Variants in NCKAP5 observed in about 807,000 individuals in gnomAD.
The protein encoded by NCKAP5 is NCK associated protein 5.
A neutral mutation model predicts 167.0 loss-of-function variants in NCKAP5; 92 were observed. That is an observed-to-expected ratio of 0.55 (90% CI 0.47 to 0.66). NCKAP5 has a LOEUF of 0.66. Ranked by LOEUF, NCKAP5 falls within the 30% of genes least tolerant of loss-of-function variation. The probability of loss-of-function intolerance (pLI) is 0.00; values close to 1 mark genes in which losing one functional copy is unlikely to be tolerated. For synonymous variants in NCKAP5, 891 were observed against 877.4 expected (o/e 1.02, Z -0.27); for missense variants, 2,378 against 2,315.0 (o/e 1.03, Z -0.56).
At chr2:133,280,594 A>G (rs1038578170) in intron 4 of NCKAP5, among the ~76,000 whole-genome samples, 2 of 152,136 alleles carry the variant, frequency 1.3e-5, no homozygotes, top group African/African-American at 4.8e-5. Context: ...GGACATGGGC[A>G]CAGGAAATCA....
chr2:133,495,010 C>A (rs1681812167), intron 3 of NCKAP5, among the ~76,000 whole-genome samples: 1 of 152,148 alleles, frequency 6.6e-6, no homozygotes, highest in African/African-American at 2.4e-5. Flanking sequence ...GTCTCCACAA[C>A]CCCTTATCTT....
intron 8 of NCKAP5, among the ~76,000 whole-genome samples, chr2:132,944,529 C>T (rs1187756636): frequency 1.3e-5 from 2 of 152,110 alleles, no homozygotes; most frequent in Non-Finnish European, 2.9e-5. Context: ...GTAACTTGTC[C>T]AAGGCCACAT....
At chr2:133,034,758 C>A (rs762646111) in intron 6 of NCKAP5, among the ~76,000 whole-genome samples, 1 of 151,932 alleles carries the variant, frequency 6.6e-6, no homozygotes, top group Admixed American at 6.6e-5. Context: ...AACTAAAAAA[C>A]ATACAATGAA....
At chr2:133,369,106 T>C (rs1289644611) in intron 3 of NCKAP5, among the ~76,000 whole-genome samples, 1 of 151,818 alleles carries the variant, frequency 6.6e-6, no homozygotes, top group East Asian at 1.9e-4. Context: ...AACTGAAAAA[T>C]AAGAGGATGA....
chr2:132,860,392 A>G, intron 11 of NCKAP5, 100 bp downstream of exon 11: 2 of 1,309,660 alleles, frequency 1.5e-6, no homozygotes, highest in Non-Finnish European at 2.1e-6. Context: ...TTCTGATGCA[A>G]TATGCCTTGC....
At chr2:133,443,845 T>A (rs1295933618) in intron 3 of NCKAP5, among the ~76,000 whole-genome samples, 1 of 152,214 alleles carries the variant, frequency 6.6e-6, no homozygotes, top group African/African-American at 2.4e-5. Context: ...CCTTCACAAG[T>A]GACTTTTGAA....
intron 3 of NCKAP5, among the ~76,000 whole-genome samples, chr2:133,480,418 C>T (rs1436606254): frequency 7.6e-6 from 1 of 131,408 alleles, no homozygotes; most frequent in Non-Finnish European, 1.8e-5. Flanking sequence ...CCATGTTCTC[C>T]CAGCTTTTGG....
intron 3 of NCKAP5, among the ~76,000 whole-genome samples, chr2:133,303,720 G>A (rs1680572088): frequency 6.6e-6 from 1 of 151,896 alleles, no homozygotes; most frequent in South Asian, 2.1e-4. Context: ...CTATAGAAAT[G>A]TATATGTAAA....
intron 3 of NCKAP5, among the ~76,000 whole-genome samples, chr2:133,504,398 T>C (rs1472685612): frequency 3.0e-5 from 1 of 32,870 alleles, no homozygotes; most frequent in Non-Finnish European, 6.5e-5. Context: ...GTTTAGCACT[T>C]AAAAATTAAC....
At chr2:132,897,236 A>C (rs1336375611) in intron 8 of NCKAP5, among the ~76,000 whole-genome samples, 1 of 152,176 alleles carries the variant, frequency 6.6e-6, no homozygotes. Context: ...TCTCTAAACC[A>C]GACTTTGATG....
chr2:133,526,208 GAAGGAAGGAAGGAAGGAAGA>G (rs1221419943), intron 2 of NCKAP5, among the ~76,000 whole-genome samples: 57 of 135,024 alleles, frequency 4.2e-4, no homozygotes, highest in Admixed American at 3.7e-3. Context: ...AGGAAGGAAG[GAAGGAAGGAAGGAAGGAAGA>G]AAGGAAAGGA....
intron 5 of NCKAP5, among the ~76,000 whole-genome samples, chr2:133,189,952 G>C (rs1377919247): frequency 1.3e-5 from 2 of 151,992 alleles, no homozygotes; most frequent in African/African-American, 4.8e-5. Context: ...AGAAATAAAG[G>C]GTATTCAATT....
At chr2:133,498,213 G>T (rs1028181060) in intron 3 of NCKAP5, among the ~76,000 whole-genome samples, 5 of 152,124 alleles carry the variant, frequency 3.3e-5, no homozygotes, top group African/African-American at 1.2e-4. Context: ...AGCAAGCTCT[G>T]GTCGTTTCCA....
At chr2:133,222,160 T>C (rs980150737) in intron 4 of NCKAP5, among the ~76,000 whole-genome samples, 2 of 152,086 alleles carry the variant, frequency 1.3e-5, no homozygotes, top group African/African-American at 2.4e-5. Context: ...CTTTACACTC[T>C]GCAAAAAAAT....
intron 3 of NCKAP5, among the ~76,000 whole-genome samples, chr2:133,488,269 C>T (rs1290172270): frequency 6.6e-6 from 1 of 152,022 alleles, no homozygotes; most frequent in East Asian, 1.9e-4. Flanking sequence ...CCTGAATCAC[C>T]ATATCATCTT....
At chr2:133,257,634 T>C (rs1418811379) in intron 4 of NCKAP5, among the ~76,000 whole-genome samples, 1 of 152,202 alleles carries the variant, frequency 6.6e-6, no homozygotes, top group East Asian at 1.9e-4. Context: ...AAAATCATTA[T>C]TCCGTGTAAT....
At chr2:133,029,831 C>A (rs1417768322) in intron 6 of NCKAP5, among the ~76,000 whole-genome samples, 1 of 152,164 alleles carries the variant, frequency 6.6e-6, no homozygotes, top group African/African-American at 2.4e-5. Context: ...TATTCACTCT[C>A]ATTTATTTTC....
the NCKAP5 span, among the ~76,000 whole-genome samples, chr2:133,661,815 CT>C: frequency 6.6e-5 from 10 of 152,318 alleles, no homozygotes; most frequent in Non-Finnish European, 1.0e-4. Flanking sequence ...TTTGTGTTCA[CT>C]GGTGCCTTAT....
chr2:133,674,236 G>A, the NCKAP5 span, among the ~76,000 whole-genome samples: 1 of 69,172 alleles, frequency 1.4e-5, no homozygotes, highest in East Asian at 4.6e-4. Flanking sequence ...CCAGGAAGAG[G>A]GAAAAAAGAA....
Sources: gnomAD v4.1 joint callset for allele counts (sites outside exome capture counted in the v4.1 genomes callset) on GRCh38, gnomAD v4.1.1 for gene constraint, MANE v1.5 for transcripts, NCBI Gene and HGNC (gene_info 2026-07-23, HGNC 2026-07-21) for gene names.